LEO1: variants seen among roughly 807,000 people sequenced by gnomAD.
The protein encoded by LEO1 is LEO1 component of Paf1/RNA polymerase II complex, also known as RNA polymerase-associated protein LEO1.
LEO1 carries 34 observed loss-of-function variants against 80.4 expected under a neutral mutation model. The ratio of observed to expected loss-of-function variants is 0.42; its 90% CI spans 0.32 to 0.56. The LOEUF (loss-of-function observed/expected upper bound fraction) is 0.56. Among genes scored for constraint, LEO1 ranks in the 20% least tolerant of loss-of-function variants. The pLI is 0.10. For synonymous variants in LEO1, 262 were observed against 274.9 expected, an observed-to-expected ratio of 0.95 and a Z score of 0.46; for missense variants, 631 against 814.2, an observed-to-expected ratio of 0.77 and a Z score of 2.74.
intron 8 of LEO1, among the ~76,000 whole-genome samples, chr15:51,952,564 T>C (rs530425623): frequency 6.6e-6 from 1 of 152,268 alleles, no homozygotes; most frequent in Admixed American, 6.5e-5. Flanking sequence ...GGTCTGCTTA[T>C]AATCAAGAAA....
chr15:51,953,355 G>T, intron 7 of LEO1, 92 bp from the exon 8 acceptor site: 1 of 1,342,880 alleles, frequency 7.4e-7, no homozygotes, highest in Non-Finnish European at 1.0e-6. Context: ...GGGCACAGTG[G>T]CCCACATGTG....
chr15:51,965,957 T>C lies in LEO1; in HGVS notation c.606A>G (p.Gln202=), dbSNP rs1203396507. 7.4e-6 allele frequency: 12 copies of C among 1,613,906 alleles called. No individual in the cohort carries two copies. The East Asian group carries it at 2.0e-4, about 27-fold the overall frequency. ...TAGCCTTTTCCTCCTCAGATAGCTG[T>C]TGTCTCTCATCATCGGAAAGCTGAG... ...ERPQLSDDER[Q]QLSEEEKANS... Residue 202 remains glutamine, a synonymous_variant, in exon 2 of 12, where the codon CAA becomes CAG. Transcript: ENST00000299601.
chr15:51,960,592 A>T, intron 4 of LEO1, 47 bp downstream of exon 4: 1 of 1,060,338 alleles, frequency 9.4e-7, no homozygotes, highest in Non-Finnish European at 1.5e-6. Context: ...TCACCTTTGA[A>T]ACTTTATGCC....
At position 51,959,885 on chromosome 15, in the gene LEO1, A is replaced by T; in HGVS notation, c.1160+14T>A. ...TACTCAACATCCTGAAAAAATTTTA[A>T]TTGATTTCCTTACCTGGGCTCTACA... On this transcript the variant is annotated intron_variant, in intron 5 of 11. Coordinates refer to ENST00000299601, the MANE Select transcript of LEO1 (RefSeq NM_138792.4). 1 of 1,553,650 alleles carries T rather than the reference A, an allele frequency of 6.4e-7. No homozygotes were observed. Among genetic ancestry groups the T allele is most frequent in the Non-Finnish European group, 8.7e-7 (1 of 1,153,172 alleles).
intron 1 of LEO1, among the ~76,000 whole-genome samples, chr15:51,967,091 C>G (rs537163489): frequency 6.6e-6 from 1 of 152,192 alleles, no homozygotes; most frequent in African/African-American, 2.4e-5. Flanking sequence ...GGAACGGAGT[C>G]TAGAAGATTT....
Position 51,951,958 on chromosome 15 carries a change from G to A in LEO1, c.1497C>T (p.Ala499=), listed in dbSNP as rs772347142. The A allele has an allele frequency of 6.2e-7, 1 of 1,613,668 alleles. No individual in the cohort carries two copies. The highest frequency in any genetic ancestry group is 8.5e-7 in the Non-Finnish European group (1 of 1,179,636). Residue 499 remains alanine (A), a synonymous_variant, in exon 9 of 12, where the codon GCC becomes GCT. Transcript: ENST00000299601. ...LTFRPHSTDS[A]THRKMTLSLA... ...GTGACAGAGTCATCTTTCTATGTGT[G>A]GCACTGTCCGTAGAGTGAGGTCTGC...
chr15:51,944,994 G>T (rs1371185309), intron 11 of LEO1, among the ~76,000 whole-genome samples: 1 of 152,020 alleles, frequency 6.6e-6, no homozygotes, highest in East Asian at 1.9e-4. Context: ...TGGGAAACAG[G>T]TAAGGCCATT....
At chr15:51,948,695 C>T (rs1283079981) in intron 10 of LEO1, among the ~76,000 whole-genome samples, 1 of 152,178 alleles carries the variant, frequency 6.6e-6, no homozygotes, top group Non-Finnish European at 1.5e-5. Flanking sequence ...TTGTTTTTGT[C>T]ACAATGAGGT....
intron 7 of LEO1, among the ~76,000 whole-genome samples, chr15:51,954,007 T>A (rs1595937705): frequency 6.6e-6 from 1 of 151,648 alleles, no homozygotes; most frequent in Admixed American, 6.6e-5. Flanking sequence ...GATCTCGGCT[T>A]ACTGCAACCT....
At chr15:51,951,364 G>C (rs2056947543) in intron 9 of LEO1, among the ~76,000 whole-genome samples, 1 of 152,110 alleles carries the variant, frequency 6.6e-6, no homozygotes, top group South Asian at 2.1e-4. Context: ...TTAACAGCTG[G>C]GTCAAATTTG....
chr15:51,952,204 G>A (rs1007609782), intron 8 of LEO1: 2 of 416,756 alleles, frequency 4.8e-6, no homozygotes, highest in Non-Finnish European at 4.3e-6. Flanking sequence ...GAAGGTTGGA[G>A]TAAAAAAGAT....
At chr15:51,958,399 G>T (rs1382852845) in intron 6 of LEO1, among the ~76,000 whole-genome samples, 1 of 152,144 alleles carries the variant, frequency 6.6e-6, no homozygotes, top group Non-Finnish European at 1.5e-5. Context: ...AGGCTGCCAA[G>T]AGCTGGGTTT....
chr15:51,942,438 C>A (rs2056861316), intron 11 of LEO1, among the ~76,000 whole-genome samples: 1 of 151,992 alleles, frequency 6.6e-6, no homozygotes, highest in African/African-American at 2.4e-5. Flanking sequence ...AAAATCACTT[C>A]TGAGAATACT....
At chr15:51,942,970 G>C (rs988346157) in intron 11 of LEO1, among the ~76,000 whole-genome samples, 2 of 146,408 alleles carry the variant, frequency 1.4e-5, no homozygotes, top group African/African-American at 5.0e-5. Context: ...ATTTTGTCTA[G>C]TGCCAGGCAC....
chr15:51,938,199 T>C lies in LEO1; in HGVS notation c.1958A>G (p.Lys653Arg). Residue 653 changes from lysine (K) to arginine (R), a missense_variant, in exon 12 of 12, where the codon AAG becomes AGG. Lys to Arg is a conservative substitution (Grantham distance 26). Coordinates refer to ENST00000299601, the MANE Select transcript of LEO1 (RefSeq NM_138792.4). ...CTCTTCATCGCTGATCACATACTTC[T>C]TATGCTTTTTATTTGCTTTATCATC... is the stretch of plus-strand genomic sequence containing the variant. The part of the protein sequence containing the change: ...EDDDKANKKH[K>R]KYVISDEEEE... The C allele has an allele frequency of 6.2e-7, 1 of 1,610,770 alleles. No individual in the cohort carries two copies. The highest frequency in any genetic ancestry group is 8.5e-7 in the Non-Finnish European group (1 of 1,177,872).
intron 6 of LEO1, among the ~76,000 whole-genome samples, chr15:51,957,113 A>G (rs927771602): frequency 2.6e-5 from 4 of 152,206 alleles, no homozygotes; most frequent in Non-Finnish European, 5.9e-5. Context: ...ATGCGGCACC[A>G]TGCCCGGCCT....
At chr15:51,960,263 T>C (rs2057019800) in intron 4 of LEO1, among the ~76,000 whole-genome samples, 1 of 152,222 alleles carries the variant, frequency 6.6e-6, no homozygotes. Flanking sequence ...ATGATAAATC[T>C]GTCTTCCAAA....
intron 11 of LEO1, among the ~76,000 whole-genome samples, chr15:51,943,699 CA>C (rs5812577): frequency 2.4e-4 from 30 of 122,856 alleles, no homozygotes; most frequent in Non-Finnish European, 2.1e-4. Context: ...GACCCTGTCT[CA>C]AAAAAAAAAA....
intron 6 of LEO1, chr15:51,954,866 G>A (rs540266433): frequency 1.6e-5 from 5 of 307,584 alleles, no homozygotes; most frequent in South Asian, 8.6e-5. Context: ...CACTAACCCC[G>A]AGATGTGTTA....
Sources: allele counts gnomAD v4.1 joint callset (sites outside exome capture counted in the v4.1 genomes callset), GRCh38; gene constraint gnomAD v4.1.1; transcripts MANE v1.5; gene names NCBI Gene and HGNC (gene_info 2026-07-23, HGNC 2026-07-21).